Variants in COL21A1 observed in about 807,000 individuals in gnomAD.
The protein encoded by COL21A1 is collagen alpha-1(XXI) chain.
In COL21A1, 149 loss-of-function variants were observed where a neutral mutation model predicts 137.9. The ratio of observed to expected loss-of-function variants is 1.08; its 90% CI spans 0.95 to 1.24. The LOEUF is 1.24. Ranked by LOEUF, COL21A1 falls within the 50% of genes most tolerant of loss-of-function variation. COL21A1 has a pLI of 0.00. For synonymous variants in COL21A1, 456 were observed against 391.5 expected, an observed-to-expected ratio of 1.16 and a Z score of -1.95; for missense variants, 1,167 against 1,158.4, an observed-to-expected ratio of 1.01 and a Z score of -0.11.
intron 1 of COL21A1, among the ~76,000 whole-genome samples, chr6:56,384,637 A>C (rs2094014425): frequency 6.6e-6 from 1 of 152,228 alleles, no homozygotes. Context: ...TCTGGCCCAC[A>C]AACAACAGAT....
At chr6:56,234,913 A>C (rs1352225290) in intron 1 of COL21A1, among the ~76,000 whole-genome samples, 2 of 100,620 alleles carry the variant, frequency 2.0e-5, no homozygotes, top group Admixed American at 1.8e-4. Context: ...CATCCAGAAA[A>C]CACAACATCT....
chr6:56,219,987 A>T (rs1347894369), intron 1 of COL21A1, among the ~76,000 whole-genome samples: 3 of 152,158 alleles, frequency 2.0e-5, no homozygotes, highest in African/African-American at 7.2e-5. Flanking sequence ...CTGTTTCTTC[A>T]GAAAAAGAGT....
intron 1 of COL21A1, among the ~76,000 whole-genome samples, chr6:56,289,970 C>T (rs907840709): frequency 6.6e-6 from 1 of 151,966 alleles, no homozygotes; most frequent in African/African-American, 2.4e-5. Context: ...AAGGCTGATA[C>T]CTTGTCCAGC....
intron 1 of COL21A1, among the ~76,000 whole-genome samples, chr6:56,260,174 T>C (rs998114939): frequency 1.3e-5 from 2 of 152,128 alleles, no homozygotes; most frequent in African/African-American, 4.8e-5. Flanking sequence ...TTATGTTTTA[T>C]CCTCCCTCAA....
At chr6:56,177,978 G>A (rs1777623818) in intron 3 of COL21A1, among the ~76,000 whole-genome samples, 1 of 152,066 alleles carries the variant, frequency 6.6e-6, no homozygotes, top group Admixed American at 6.5e-5. Context: ...AATTTTGATT[G>A]TGTTTATAGA....
At chr6:56,085,298 ACC>A (rs942444555) in intron 17 of COL21A1, among the ~76,000 whole-genome samples, 54 of 152,122 alleles carry the variant, frequency 3.5e-4, no homozygotes, top group Non-Finnish European at 6.0e-4. Context: ...GTAAGGATTT[ACC>A]TCTCTCATAT....
intron 1 of COL21A1, among the ~76,000 whole-genome samples, chr6:56,262,092 C>A (rs554843682): frequency 5.9e-5 from 9 of 152,170 alleles, no homozygotes; most frequent in Non-Finnish European, 1.0e-4. Context: ...TTAATGCATT[C>A]GATTTCTCAA....
rs1765034434 is a variant in COL21A1, at chr6:56,325,631, T to TATATTATATATTATATATTATA, written c.-39+68339_-39+68340insTATAATATATAATATATAATAT. On this transcript the variant is annotated intron_variant, in intron 1 of 28. Transcript: ENST00000370819. Reference sequence around the variant, plus strand: ...ATCTATTATATATAATAATCTATTATATATAATATATAATATAATATATTA... The same window carrying TATATTATATATTATATATTATA: ...ATCTATTATATATAATAATCTATTATATATTATATATTATATATTATAATATAATATATAATATAATATATTA... 5.0e-3 allele frequency among the ~76,000 whole-genome samples: 4 copies of TATATTATATATTATATATTATA among 806 alleles called. No homozygotes were observed. The Non-Finnish European group carries it at 0.074, about 15-fold the overall frequency. The allele number at this position is 806 out of a possible 152,430, so 0.5% of individuals were successfully genotyped here. A position where few individuals can be genotyped will look rare whatever the true frequency, so the allele number is the denominator to read the frequency against.
intron 1 of COL21A1, among the ~76,000 whole-genome samples, chr6:56,199,399 C>T (rs1474698): frequency 0.56 from 84,502 of 151,498 alleles, 23,795 homozygotes; most frequent in East Asian, 0.77. Context: ...CTGAGCTCAC[C>T]TGTTAATATG....
intron 1 of COL21A1, among the ~76,000 whole-genome samples, chr6:56,341,305 A>T (rs1765463490): frequency 1.3e-5 from 2 of 152,244 alleles, no homozygotes; most frequent in African/African-American, 4.8e-5. Context: ...GTATGATGGA[A>T]TTTATTTTCA....
At chr6:56,172,445 A>C (rs897376067) in intron 3 of COL21A1, among the ~76,000 whole-genome samples, 1 of 152,164 alleles carries the variant, frequency 6.6e-6, no homozygotes, top group Non-Finnish European at 1.5e-5. Context: ...TTCTTCAAAA[A>C]TGAAGGAGAA....
At chr6:56,151,952 G>A (rs1775364248) in intron 10 of COL21A1, among the ~76,000 whole-genome samples, 1 of 152,188 alleles carries the variant, frequency 6.6e-6, no homozygotes, top group Non-Finnish European at 1.5e-5. Context: ...ACTGCGGGGA[G>A]GGGCTGGATA....
At chr6:56,131,811 TTATA>T (rs1773574790) in intron 12 of COL21A1, among the ~76,000 whole-genome samples, 1 of 152,132 alleles carries the variant, frequency 6.6e-6, no homozygotes, top group South Asian at 2.1e-4. Flanking sequence ...GAGAGAGTTA[TTATA>T]TAATACCACA....
rs765605667 is a variant in COL21A1, at chr6:56,064,646, T to C, written c.2128-24A>G. 2.6e-5 allele frequency: 39 copies of C among 1,520,846 alleles called. No individual in the cohort carries two copies. The South Asian group carries it at 4.4e-4, about 17-fold the overall frequency. The allele number at this position is 1,520,846 out of a possible 1,614,324, so 94.2% of individuals were successfully genotyped here. On this transcript the variant is annotated intron_variant, in intron 23 of 29. Coordinates refer to ENST00000244728, the MANE Select transcript of COL21A1 (RefSeq NM_030820.4). ...CCCTTTAAAATAAAAAAAAACATTA[T>C]TGATTAGTTTGCACACTTACGATGC...
chr6:56,300,143 C>G (rs1300824250), intron 1 of COL21A1, among the ~76,000 whole-genome samples: 2 of 151,948 alleles, frequency 1.3e-5, no homozygotes, highest in African/African-American at 4.8e-5. Context: ...TGCCGGAAGC[C>G]AACATGAATA....
chr6:56,342,146 T>C (rs1765485524), intron 1 of COL21A1, among the ~76,000 whole-genome samples: 1 of 152,202 alleles, frequency 6.6e-6, no homozygotes, highest in Non-Finnish European at 1.5e-5. Flanking sequence ...TTTGTGGTTC[T>C]AGCTTTTGCA....
intron 2 of COL21A1, among the ~76,000 whole-genome samples, chr6:56,180,424 G>T (rs1582575154): frequency 1.3e-5 from 2 of 152,166 alleles, no homozygotes; most frequent in East Asian, 3.8e-4. Context: ...ATCACCCAAT[G>T]AATCAACTCT....
chr6:56,354,895 A>G (rs1765797330), intron 1 of COL21A1, among the ~76,000 whole-genome samples: 1 of 152,208 alleles, frequency 6.6e-6, no homozygotes, highest in South Asian at 2.1e-4. Context: ...GGAAGAAAAC[A>G]TATCCAACAA....
intron 23 of COL21A1, among the ~76,000 whole-genome samples, chr6:56,065,069 A>AC (rs1377845814): frequency 4.6e-5 from 7 of 152,080 alleles, no homozygotes; most frequent in Non-Finnish European, 1.0e-4. Context: ...TTTTAGTAAA[A>AC]AAAAAGCCAT....
Sources: gnomAD v4.1 joint callset for allele counts (sites outside exome capture counted in the v4.1 genomes callset) on GRCh38, gnomAD v4.1.1 for gene constraint, MANE v1.5 for transcripts, NCBI Gene and HGNC (gene_info 2026-07-23, HGNC 2026-07-21) for gene names.